GFRAL: variants seen among roughly 807,000 people sequenced by gnomAD.
The protein encoded by GFRAL is GDNF family receptor alpha like.
GFRAL carries 36 observed loss-of-function variants against 45.4 expected under a neutral mutation model. The observed-to-expected ratio is 0.79, with a 90% confidence interval of 0.61 to 1.05. The LOEUF is 1.05. Ranked by LOEUF, GFRAL falls within the 50% of genes least tolerant of loss-of-function variation. GFRAL has a pLI of 0.00. For missense variants in GFRAL, 507 were observed against 467.5 expected, an observed-to-expected ratio of 1.08 and a Z score of -0.78; for synonymous variants, 166 against 154.1, an observed-to-expected ratio of 1.08 and a Z score of -0.57.
In GFRAL at chr6:55,359,178, C is replaced by T. The variant is rs367638155; in HGVS notation, c.952+40C>T. 38 of 1,536,996 alleles carry T rather than the reference C, an allele frequency of 2.5e-5. No homozygotes were observed. The East Asian group carries it at 5.0e-4, about 20-fold the overall frequency. ...TAAAATTATCTGTCTATCTATCTAT[C>T]TATCTATCATCTATCTATCTATCTA... On this transcript the variant is annotated intron_variant, in intron 6 of 8. Transcript: ENST00000340465.
intron 3 of GFRAL, among the ~76,000 whole-genome samples, chr6:55,346,843 A>C (rs370198097): frequency 0.03 from 238 of 8,010 alleles, 4 homozygotes; most frequent in African/African-American, 0.034. Flanking sequence ...CCCCCCCCCC[A>C]AAAAAAAGAA....
rs371876780 is a variant in GFRAL, at chr6:55,395,178, AT to A, written c.953-4001del. Among the ~76,000 whole-genome samples, 72 of 73,174 alleles carry A rather than the reference AT, an allele frequency of 9.8e-4. 3 individuals carry two copies. The highest frequency in any genetic ancestry group is 2.4e-3 in the South Asian group (5 of 2,062). The allele number at this position is 73,174 out of a possible 152,430, so 48.0% of individuals were successfully genotyped here. ...CAGCCTATGGAAAAAAAAAAAAAAT[AT>A]ATATATATATATATAAGCCAGCTAG... On this transcript the variant is annotated intron_variant, in intron 6 of 8. Transcript: ENST00000340465.
At chr6:55,341,561 C>T (rs1003414324) in intron 3 of GFRAL, among the ~76,000 whole-genome samples, 3 of 152,076 alleles carry the variant, frequency 2.0e-5, no homozygotes, top group Admixed American at 6.5e-5. Flanking sequence ...GATAAAACCA[C>T]AAAGATGGGG....
chr6:55,332,671 C>T (rs868668750), intron 2 of GFRAL, among the ~76,000 whole-genome samples: 10 of 152,212 alleles, frequency 6.6e-5, no homozygotes, highest in Middle Eastern at 3.4e-3. Flanking sequence ...ATCTGCCTGC[C>T]TCGGCCTCCC....
At chr6:55,331,617 T>C (rs1767830280) in intron 1 of GFRAL, 98 bp from the exon 2 acceptor site, 1 of 1,074,648 alleles carries the variant, frequency 9.3e-7, no homozygotes, top group African/African-American at 1.6e-5. Flanking sequence ...CTACATGTTA[T>C]TTTCCATAAT....
At chr6:55,369,999 G>C (rs1490228188) in intron 6 of GFRAL, among the ~76,000 whole-genome samples, 1 of 152,148 alleles carries the variant, frequency 6.6e-6, no homozygotes. Flanking sequence ...GCTTGGAACT[G>C]GACCCTACTA....
At chr6:55,358,668 G>A (rs568587941) in intron 5 of GFRAL, among the ~76,000 whole-genome samples, 136 of 152,034 alleles carry the variant, frequency 8.9e-4, no homozygotes, top group African/African-American at 3.2e-3. Context: ...CTTAACTGCT[G>A]TCTTTCATCA....
At position 55,351,564 on chromosome 6, in the gene GFRAL, C is replaced by G. The variant is rs1768118309; in HGVS notation, c.682C>G (p.Gln228Glu). 1 of 1,598,838 alleles carries G rather than the reference C, an allele frequency of 6.3e-7. No individual in the cohort carries two copies. Among genetic ancestry groups the G allele is most frequent in the South Asian group, 1.1e-5 (1 of 90,568 alleles). The part of the protein sequence containing the change: ...PTCLSVIRSC[Q>E]NDELCRRHYR... ...TTGCCTCAGTGTAATTCGCAGCTGC[C>G]AAAATGATGAATTATGCAGGTGGGT... Residue 228 changes from glutamine (Q) to glutamate (E), a missense_variant, in exon 5 of 9, where the codon CAA becomes GAA. By Grantham distance (29) the Gln-to-Glu change is conservative. Transcript: ENST00000340465.
At chr6:55,367,730 G>T (rs1768385036) in intron 6 of GFRAL, among the ~76,000 whole-genome samples, 1 of 150,464 alleles carries the variant, frequency 6.6e-6, no homozygotes, top group South Asian at 2.1e-4. Flanking sequence ...TGAAATTCTG[G>T]GTTGAAAATT....
chr6:55,371,014 C>A (rs926807009), intron 6 of GFRAL, among the ~76,000 whole-genome samples: 2 of 152,178 alleles, frequency 1.3e-5, no homozygotes, highest in Admixed American at 1.3e-4. Context: ...ACTTCGCCAT[C>A]CTGCAACTGC....
intron 4 of GFRAL, among the ~76,000 whole-genome samples, chr6:55,350,770 T>G (rs1768106265): frequency 6.6e-6 from 1 of 152,144 alleles, no homozygotes. Context: ...TGGCACCAAC[T>G]GTTTTTGTGT....
At chr6:55,364,813 C>G (rs112861841) in intron 6 of GFRAL, among the ~76,000 whole-genome samples, 15,020 of 151,860 alleles carry the variant, frequency 0.099, 1,058 homozygotes, top group African/African-American at 0.2. Context: ...TGTTTTGGTA[C>G]CAGTACCATG....
At chr6:55,360,103 G>A (rs988310140) in intron 6 of GFRAL, among the ~76,000 whole-genome samples, 1 of 151,950 alleles carries the variant, frequency 6.6e-6, no homozygotes, top group African/African-American at 2.4e-5. Context: ...AATTTGTTCA[G>A]CATCTCAAAG....
intron 6 of GFRAL, among the ~76,000 whole-genome samples, chr6:55,379,070 C>A (rs887341851): frequency 6.6e-6 from 1 of 152,016 alleles, no homozygotes; most frequent in Non-Finnish European, 1.5e-5. Flanking sequence ...CTCCATATAC[C>A]AACCTGAGAG....
intron 6 of GFRAL, among the ~76,000 whole-genome samples, chr6:55,394,997 A>G (rs988124023): frequency 6.6e-6 from 1 of 151,900 alleles, no homozygotes; most frequent in Non-Finnish European, 1.5e-5. Context: ...TCTCACTACA[A>G]TTGTGCATTC....
At chr6:55,342,632 A>C (rs1481782158) in intron 3 of GFRAL, among the ~76,000 whole-genome samples, 1 of 152,032 alleles carries the variant, frequency 6.6e-6, no homozygotes, top group Non-Finnish European at 1.5e-5. Flanking sequence ...CGAGCAAAAT[A>C]ACCAGCTAAC....
chr6:55,339,259 AAGTGATG>A (rs1767929888), intron 3 of GFRAL, among the ~76,000 whole-genome samples: 1 of 152,156 alleles, frequency 6.6e-6, no homozygotes, highest in Non-Finnish European at 1.5e-5. Flanking sequence ...CTGGGGACGA[AAGTGATG>A]AGTTGTATTC....
chr6:55,363,357 T>G (rs1275073997), intron 6 of GFRAL, among the ~76,000 whole-genome samples: 6 of 152,060 alleles, frequency 3.9e-5, no homozygotes, highest in Non-Finnish European at 7.4e-5. Context: ...TACTTATTGC[T>G]TTACAGGTTC....
chr6:55,331,904 C>G (rs1341302241), intron 2 of GFRAL, 55 bp downstream of exon 2: 16 of 1,505,382 alleles, frequency 1.1e-5, no homozygotes, highest in African/African-American at 2.8e-5. Flanking sequence ...AAGATAAAAA[C>G]AGGATTTGAT....
Sources: gnomAD v4.1 joint callset for allele counts (sites outside exome capture counted in the v4.1 genomes callset) on GRCh38, gnomAD v4.1.1 for gene constraint, MANE v1.5 for transcripts, NCBI Gene and HGNC (gene_info 2026-07-23, HGNC 2026-07-21) for gene names.